NPSR1: variants seen among roughly 807,000 people sequenced by gnomAD.
The protein encoded by NPSR1 is neuropeptide S receptor 1, also known as neuropeptide S receptor.
Under a neutral mutation model 46.9 loss-of-function variants are expected in NPSR1, and 48 were observed. The observed-to-expected ratio is 1.02, with a 90% CI of 0.81 to 1.30. NPSR1 has a LOEUF of 1.30. Among genes scored for constraint, NPSR1 ranks in the 50% most tolerant of loss-of-function variants. NPSR1 has a pLI of 0.00. For missense variants in NPSR1, 450 were observed against 449.5 expected, an observed-to-expected ratio of 1.00 and a Z score of -0.01; for synonymous variants, 176 against 168.1, an observed-to-expected ratio of 1.05 and a Z score of -0.36.
chr7:34,745,644 A>G (rs1583929354), intron 2 of NPSR1, among the ~76,000 whole-genome samples: 1 of 152,028 alleles, frequency 6.6e-6, no homozygotes, highest in East Asian at 1.9e-4. Context: ...TCAGCCTCCC[A>G]AGTAGCTGGA....
chr7:34,807,451 C>T (rs936215584), intron 3 of NPSR1, among the ~76,000 whole-genome samples: 5 of 152,018 alleles, frequency 3.3e-5, no homozygotes, highest in Non-Finnish European at 7.4e-5. Flanking sequence ...TGTGAATATC[C>T]TATTGCCATC....
At chr7:34,810,533 T>A (rs62462951) in intron 3 of NPSR1, among the ~76,000 whole-genome samples, 7 of 152,150 alleles carry the variant, frequency 4.6e-5, no homozygotes, top group Middle Eastern at 3.4e-3. Flanking sequence ...AAAGGGGAGC[T>A]CTCTGATGGT....
At chr7:34,838,993 T>C (rs1790477107) in intron 6 of NPSR1, among the ~76,000 whole-genome samples, 1 of 152,250 alleles carries the variant, frequency 6.6e-6, no homozygotes, top group East Asian at 1.9e-4. Flanking sequence ...TTTAATTAAA[T>C]GAGGCATACT....
chr7:34,866,784 T>A (rs1244563789), intron 8 of NPSR1, among the ~76,000 whole-genome samples: 1 of 151,738 alleles, frequency 6.6e-6, no homozygotes, highest in Non-Finnish European at 1.5e-5. Flanking sequence ...ATTGGGATAT[T>A]CTTTAGGTTA....
Position 34,684,644 on chromosome 7 carries a change from G to T in NPSR1, c.240G>T (p.Lys80Asn), listed in dbSNP as rs373297591. Residue 80 changes from lysine (K) to asparagine (N), a missense_variant, in exon 2 of 9, where the codon AAG (lysine) becomes AAT (asparagine). Lys to Asn is a moderately conservative substitution (Grantham distance 94, BLOSUM62 0). Coordinates refer to ENST00000360581, the MANE Select transcript of NPSR1 (RefSeq NM_207172.2). The part of the protein sequence containing the change: ...VLFSTWRRKK[K>N]SRMTFFVTQL... ...TTTCCACATGGAGGAGAAAGAAGAAGTCAAGAATGACCTTCTTTGTGACTC... is the reference window on the plus strand; with the variant it reads ...TTTCCACATGGAGGAGAAAGAAGAATTCAAGAATGACCTTCTTTGTGACTC... 6.2e-7 allele frequency: 1 copy of T among 1,613,500 alleles called. No individual in the cohort carries two copies. The highest frequency in any genetic ancestry group is 8.5e-7 in the Non-Finnish European group (1 of 1,179,782).
intron 8 of NPSR1, among the ~76,000 whole-genome samples, chr7:34,871,919 A>T (rs1791462446): frequency 6.6e-6 from 1 of 151,700 alleles, no homozygotes; most frequent in South Asian, 2.1e-4. Context: ...CTGCCAATCT[A>T]CCATGTTGGC....
In NPSR1 at chr7:34,687,975, CT is replaced by C. The variant is rs531410169; in HGVS notation, c.280+3294del. 8.9e-4 allele frequency among the ~76,000 whole-genome samples: 136 copies of C among 152,258 alleles called. No homozygotes were observed. In the Middle Eastern group the frequency reaches 0.01, roughly 11 times the overall value. ...TGGAAGGCTGAAAACCTGAGTAGAG[CT>C]TTGGGCAGTTTCACTGGACTGATGG... On this transcript the variant is annotated intron_variant, in intron 2 of 8. Coordinates refer to ENST00000360581, the MANE Select transcript of NPSR1 (RefSeq NM_207172.2).
chr7:34,838,818 C>G (rs1790469755), intron 6 of NPSR1, among the ~76,000 whole-genome samples: 1 of 152,182 alleles, frequency 6.6e-6, no homozygotes, highest in Non-Finnish European at 1.5e-5. Flanking sequence ...TGTTATCTTT[C>G]ATAAATGAGC....
At chr7:34,764,694 C>G (rs1786348494) in intron 2 of NPSR1, among the ~76,000 whole-genome samples, 1 of 151,754 alleles carries the variant, frequency 6.6e-6, no homozygotes, top group South Asian at 2.1e-4. Context: ...CTGAGAAAAC[C>G]CTATCCCTTG....
intron 8 of NPSR1, among the ~76,000 whole-genome samples, chr7:34,862,733 G>A (rs1284756160): frequency 6.6e-6 from 1 of 151,658 alleles, no homozygotes; most frequent in African/African-American, 2.4e-5. Flanking sequence ...TCCTAAGTAT[G>A]CCCTTCCACA....
intron 2 of NPSR1, among the ~76,000 whole-genome samples, chr7:34,758,569 C>T (rs1448382948): frequency 6.6e-6 from 1 of 152,214 alleles, no homozygotes; most frequent in African/African-American, 2.4e-5. Context: ...TCTTCCCAAC[C>T]AGGACATTTT....
At chr7:34,668,316 C>T (rs1181241270) in intron 1 of NPSR1, among the ~76,000 whole-genome samples, 1 of 152,208 alleles carries the variant, frequency 6.6e-6, no homozygotes, top group Admixed American at 6.5e-5. Flanking sequence ...CTTAGCAACA[C>T]AGAGCAACCC....
At chr7:34,715,768 C>T (rs1783531239) in intron 2 of NPSR1, among the ~76,000 whole-genome samples, 1 of 152,192 alleles carries the variant, frequency 6.6e-6, no homozygotes, top group Admixed American at 6.5e-5. Context: ...CAAAGATGTG[C>T]TGGGTTCATC....
chr7:34,857,987 A>C (rs1740747819), intron 8 of NPSR1, among the ~76,000 whole-genome samples: 1 of 151,884 alleles, frequency 6.6e-6, no homozygotes, highest in African/African-American at 2.4e-5. Flanking sequence ...AAATTAAATC[A>C]CAATGATATA....
chr7:34,827,637 GTGGGGC>G, intron 5 of NPSR1, 35 bp downstream of exon 5: 5 of 1,188,986 alleles, frequency 4.2e-6, no homozygotes, highest in Non-Finnish European at 5.9e-6. Flanking sequence ...ACACGGGGGG[GTGGGGC>G]GGGGGGGGCT....
At chr7:34,842,760 C>T (rs1790615489) in intron 6 of NPSR1, among the ~76,000 whole-genome samples, 1 of 152,208 alleles carries the variant, frequency 6.6e-6, no homozygotes, top group African/African-American at 2.4e-5. Flanking sequence ...CATTTGTCCT[C>T]TGCAATGAGT....
chr7:34,702,063 T>C (rs1254640678), intron 2 of NPSR1, among the ~76,000 whole-genome samples: 2 of 152,222 alleles, frequency 1.3e-5, no homozygotes, highest in African/African-American at 4.8e-5. Flanking sequence ...CTGCATTTTC[T>C]TACCATTGGG....
At chr7:34,780,145 A>G (rs2128737615) in intron 3 of NPSR1, among the ~76,000 whole-genome samples, 1 of 152,320 alleles carries the variant, frequency 6.6e-6, no homozygotes, top group East Asian at 1.9e-4. Context: ...ACTAGTCTCA[A>G]AGGTCATACA....
chr7:34,673,923 G>A (rs35257353), intron 1 of NPSR1, among the ~76,000 whole-genome samples: 26,915 of 152,138 alleles, frequency 0.18, 3,482 homozygotes, highest in African/African-American at 0.36. Context: ...GTTAGAAAAC[G>A]TAAATGCCAA....
Sources: gnomAD v4.1 joint callset for allele counts (sites outside exome capture counted in the v4.1 genomes callset) on GRCh38, gnomAD v4.1.1 for gene constraint, MANE v1.5 for transcripts, NCBI Gene and HGNC (gene_info 2026-07-23, HGNC 2026-07-21) for gene names.